CACNA1A: variants seen among roughly 807,000 people sequenced by gnomAD.
CACNA1A encodes voltage-dependent P/Q-type calcium channel subunit alpha-1A.
Under a neutral mutation model 262.4 loss-of-function variants are expected in CACNA1A, and 57 were observed. That is an observed-to-expected ratio of 0.22 (90% CI 0.18 to 0.27). The LOEUF (loss-of-function observed/expected upper bound fraction) is 0.27. CACNA1A is among the 10% of genes least tolerant of loss of function. CACNA1A has a pLI of 1.00. For missense variants in CACNA1A, 2,526 were observed against 3,562.8 expected (o/e 0.71, Z 7.41); for synonymous variants, 1,431 against 1,419.3 (o/e 1.01, Z -0.18).
intron 1 of CACNA1A, among the ~76,000 whole-genome samples, chr19:13,463,230 C>G (rs1349773973): frequency 6.6e-6 from 1 of 152,090 alleles, no homozygotes; most frequent in Non-Finnish European, 1.5e-5. Flanking sequence ...CACCCAAGTC[C>G]CAACCAATGG....
intron 3 of CACNA1A, among the ~76,000 whole-genome samples, chr19:13,444,482 G>A (rs1313437452): frequency 1.3e-5 from 2 of 152,156 alleles, no homozygotes; most frequent in African/African-American, 4.8e-5. Flanking sequence ...GAGGACATGA[G>A]AGGTGTATGG....
Position 13,376,140 on chromosome 19 carries a change from A to G in CACNA1A, c.540-4361T>C, listed in dbSNP as rs2059401599. Among the ~76,000 whole-genome samples, 4 of 152,342 alleles carry G rather than the reference A, an allele frequency of 2.6e-5. No homozygotes were observed. In the South Asian group the frequency reaches 8.3e-4, roughly 32 times the overall value. ...TATAAAAGTGCAAGGTGAAGTGATA[A>G]GTGCTGATGGAGAAGCTGCAGTAAG... On this transcript the variant is annotated intron_variant, in intron 3 of 46. Transcript: ENST00000360228.
chr19:13,463,050 T>C (rs531014303), intron 1 of CACNA1A, among the ~76,000 whole-genome samples: 19 of 152,082 alleles, frequency 1.2e-4, no homozygotes, highest in African/African-American at 4.1e-4. Context: ...TATGAGCCAC[T>C]GTGCCCAGCC....
Position 13,317,258 on chromosome 19 carries a change from T to A in CACNA1A, c.1409A>T (p.Lys470Ile). 6.2e-7 allele frequency: 1 copy of A among 1,613,126 alleles called. No homozygotes were observed. Among genetic ancestry groups the A allele is most frequent in the Non-Finnish European group, 8.5e-7 (1 of 1,179,226 alleles). The change falls in exon 11 of 47, where the codon AAA becomes ATA. Residue 470 changes from lysine (K) to isoleucine (I), a missense_variant. Physicochemically the swap from Lys to Ile is moderately radical, Grantham distance 102. Transcript: ENST00000360228. ...GTAGAAACGCATCCTCCTCTCCTTT[T>A]TGTGAAAAAAGGTCGAGTTCTCCAG... ...AKLENSTFFH[K>I]KERRMRFYIR...
At chr19:13,321,024 CCTTTTTTTTTTTTTTT>C (rs1258842824) in intron 10 of CACNA1A, among the ~76,000 whole-genome samples, 2 of 132,362 alleles carry the variant, frequency 1.5e-5, no homozygotes, top group East Asian at 2.6e-4. Context: ...ATGTTCTTTT[CCTTTTTTTTTTTTTTT>C]CTTTTTTTTT....
chr19:13,474,591 G>A (rs1340349459), intron 1 of CACNA1A, among the ~76,000 whole-genome samples: 5 of 152,122 alleles, frequency 3.3e-5, no homozygotes, highest in African/African-American at 1.2e-4. Context: ...GGCCAAGGCG[G>A]GCGGATCACA....
chr19:13,402,871 CACATATATATATATATATATATATAT>C (rs1170579067), intron 3 of CACNA1A, among the ~76,000 whole-genome samples: 9 of 64,184 alleles, frequency 1.4e-4, no homozygotes, highest in African/African-American at 8.0e-4. Context: ...CACACACACA[CACATATATATATATATATATATATAT>C]ATATATATAT....
chr19:13,375,703 A>T (rs759395703), intron 3 of CACNA1A, among the ~76,000 whole-genome samples: 4 of 152,110 alleles, frequency 2.6e-5, no homozygotes, highest in Non-Finnish European at 4.4e-5. Context: ...TGGGAGGATC[A>T]CTTGGTCCCA....
intron 17 of CACNA1A, among the ~76,000 whole-genome samples, chr19:13,301,802 A>G (rs990414511): frequency 2.0e-5 from 3 of 152,094 alleles, no homozygotes; most frequent in Non-Finnish European, 4.4e-5. Flanking sequence ...CAACCTTACC[A>G]CCTTGGAAAT....
At chr19:13,222,277 A>G (rs1568433576) in intron 38 of CACNA1A, among the ~76,000 whole-genome samples, 1 of 152,014 alleles carries the variant, frequency 6.6e-6, no homozygotes, top group Non-Finnish European at 1.5e-5. Flanking sequence ...CCTGACCTCA[A>G]ATGATCCACC....
intron 1 of CACNA1A, among the ~76,000 whole-genome samples, chr19:13,468,719 G>A (rs1264913749): frequency 6.6e-6 from 1 of 152,116 alleles, no homozygotes; most frequent in Non-Finnish European, 1.5e-5. Flanking sequence ...CCCAGGAGGC[G>A]GAGGCTGCAG....
chr19:13,391,141 TCCCAA>T (rs2059704201), intron 3 of CACNA1A, among the ~76,000 whole-genome samples: 1 of 152,186 alleles, frequency 6.6e-6, no homozygotes, highest in African/African-American at 2.4e-5. Flanking sequence ...TGCCTCGGCC[TCCCAA>T]AGTGCTGGGA....
At position 13,257,166 on chromosome 19, in the gene CACNA1A, A is replaced by G. The variant is rs17846939; in HGVS notation, c.4590+184T>C. The G allele has an allele frequency of 0.095, 52,787 of 558,294 alleles. 3,904 individuals carry two copies. Among genetic ancestry groups the G allele is most frequent in the East Asian group, 0.35 (11,920 of 33,754 alleles). The allele number at this position is 558,294 out of a possible 1,614,324, so 34.6% of individuals were successfully genotyped here. On this transcript the variant is annotated intron_variant, in intron 28 of 46. Coordinates refer to ENST00000360228, the MANE Select transcript of CACNA1A (RefSeq NM_001127222.2). ...CTAGTCTAAACTGACTGATACATAC[A>G]CTATATGATGTGTTTCCTCTGGAAA...
intron 46 of CACNA1A, 81 bp from the exon 47 acceptor site, chr19:13,208,134 G>A: frequency 1.3e-6 from 1 of 779,212 alleles, no homozygotes. Context: ...GAGGAAGAGA[G>A]GGGAGCGAAG....
chr19:13,285,332 G>C, intron 20 of CACNA1A, 126 bp from the exon 21 acceptor site: 1 of 951,420 alleles, frequency 1.1e-6, no homozygotes, highest in Non-Finnish European at 1.6e-6. Context: ...GTATATACCA[G>C]GCATCTTATG....
rs1377358897 is a variant in CACNA1A at position 13,298,517 on chromosome 19, T to G, written c.3089+27A>C. ...GTCATTATTAATGTTACCGTCATTC[T>G]GCGGATTCGAGGTCACCTCCACTTA... On this transcript the variant is annotated intron_variant, in intron 19 of 46. Coordinates refer to ENST00000360228, the MANE Select transcript of CACNA1A (RefSeq NM_001127222.2). The G allele has an allele frequency of 5.3e-6, 8 of 1,522,590 alleles. No homozygotes were observed. The South Asian group carries it at 9.6e-5, about 18-fold the overall frequency. The allele number at this position is 1,522,590 out of a possible 1,614,324, so 94.3% of individuals were successfully genotyped here.
At chr19:13,472,519 C>T (rs1373160761) in intron 1 of CACNA1A, among the ~76,000 whole-genome samples, 1 of 152,110 alleles carries the variant, frequency 6.6e-6, no homozygotes, top group Admixed American at 6.6e-5. Context: ...CTGTGAGTCC[C>T]TTTGCTCATC....
intron 1 of CACNA1A, among the ~76,000 whole-genome samples, chr19:13,472,715 C>G (rs951567628): frequency 1.3e-5 from 2 of 152,156 alleles, no homozygotes; most frequent in African/African-American, 4.8e-5. Context: ...TCTAATTATC[C>G]TCTACGCAAA....
intron 10 of CACNA1A, among the ~76,000 whole-genome samples, chr19:13,326,447 G>A (rs892266818): frequency 1.1e-4 from 17 of 152,180 alleles, no homozygotes; most frequent in Non-Finnish European, 1.9e-4. Flanking sequence ...TTTATAGTGC[G>A]TTTATCAACT....
Sources: allele counts gnomAD v4.1 joint callset (sites outside exome capture counted in the v4.1 genomes callset), GRCh38; gene constraint gnomAD v4.1.1; transcripts MANE v1.5; gene names NCBI Gene and HGNC (gene_info 2026-07-23, HGNC 2026-07-21).